Variants in PLCH1 observed in about 807,000 individuals in gnomAD.
PLCH1 encodes the protein 1-phosphatidylinositol 4,5-bisphosphate phosphodiesterase eta-1.
PLCH1 carries 60 observed loss-of-function variants against 126.7 expected under a neutral mutation model. The observed-to-expected ratio is 0.47, with a 90% CI of 0.38 to 0.59. The LOEUF is 0.59. Among genes scored for constraint, PLCH1 ranks in the 20% least tolerant of loss-of-function variants. PLCH1 has a pLI of 0.00. For missense variants in PLCH1, 1,723 were observed against 2,040.0 expected (o/e 0.84, Z 2.99); for synonymous variants, 719 against 734.9 (o/e 0.98, Z 0.35).
chr3:155,491,399 G>T (rs1386650255), intron 18 of PLCH1, among the ~76,000 whole-genome samples: 1 of 152,026 alleles, frequency 6.6e-6, no homozygotes, highest in African/African-American at 2.4e-5. Context: ...GAGTAGCTGG[G>T]ACTATAGGAT....
intron 8 of PLCH1, among the ~76,000 whole-genome samples, chr3:155,564,550 C>T (rs972542953): frequency 9.3e-5 from 14 of 151,304 alleles, no homozygotes; most frequent in Admixed American, 4.0e-4. Context: ...GGTGACAGAG[C>T]GAGACTCCAT....
At chr3:155,580,090 C>A (rs1730466527) in intron 6 of PLCH1, among the ~76,000 whole-genome samples, 1 of 152,274 alleles carries the variant, frequency 6.6e-6, no homozygotes, top group African/African-American at 2.4e-5. Context: ...ATCAAACCAA[C>A]ATTAACTTAT....
rs1714097003 is a variant in PLCH1, at chr3:155,481,770, A to G, written c.4256T>C (p.Val1419Ala). The change falls in exon 23 of 23, where the codon GTC becomes GCC. Residue 1419 changes from valine (V) to alanine (A), a missense_variant. Val to Ala is a moderately conservative substitution (Grantham distance 64). This residue lies in a region of PLCH1 where 947 missense variants were observed against 977.1 expected (regional missense o/e 0.97). Coordinates refer to ENST00000460012, the MANE Select transcript of PLCH1 (RefSeq NM_014996.4). This position sits in a 1 kb window ranked among gnomAD's most constrained non-coding sequence, Gnocchi z 4.2. ...TAGATAAGAAATACTTTGAGTTTTG[A>G]CATCTTGAATATTGTTGAATATTTC... is the stretch of plus-strand genomic sequence containing the variant. The part of the protein sequence containing the change: ...VPEIFNNIQD[V>A]KTQSISYLAY... 2 of 1,614,086 alleles carry G rather than the reference A, an allele frequency of 1.2e-6. No individual in the cohort carries two copies. The highest frequency in any genetic ancestry group is 1.3e-5 in the African/African-American group (1 of 74,932).
Position 155,655,293 on chromosome 3 carries a change from G to A in PLCH1, c.79+48853C>T, listed in dbSNP as rs934048943. Among the ~76,000 whole-genome samples the A allele has an allele frequency of 6.6e-5, 10 of 151,994 alleles. No individual in the cohort carries two copies. The East Asian group carries it at 9.6e-4, about 15-fold the overall frequency. ...TCTACCAAAAATTTAAAAATTAGCC[G>A]AGCATGGTGGCACATGCCTGTAGTC... On this transcript the variant is annotated intron_variant, in intron 2 of 22. Coordinates refer to ENST00000460012, the MANE Select transcript of PLCH1 (RefSeq NM_014996.4).
intron 1 of PLCH1, among the ~76,000 whole-genome samples, chr3:155,707,853 T>C (rs1165760654): frequency 6.6e-6 from 1 of 152,102 alleles, no homozygotes; most frequent in Non-Finnish European, 1.5e-5. Context: ...GACATATATG[T>C]AATATTCACA....
chr3:155,667,821 T>A (rs1050859250), intron 2 of PLCH1, among the ~76,000 whole-genome samples: 2 of 150,044 alleles, frequency 1.3e-5, no homozygotes, highest in Admixed American at 1.3e-4. Context: ...TCCCAGCACT[T>A]TGGGAGGCTG....
At chr3:155,612,290 T>C (rs554779076) in intron 2 of PLCH1, among the ~76,000 whole-genome samples, 116 of 150,690 alleles carry the variant, frequency 7.7e-4, no homozygotes, top group Non-Finnish European at 1.5e-3. Context: ...GATCGTGCCA[T>C]TGCATTCCAG....
chr3:155,590,354 G>T (rs923460976), intron 4 of PLCH1, among the ~76,000 whole-genome samples: 2 of 152,142 alleles, frequency 1.3e-5, no homozygotes, highest in Non-Finnish European at 1.5e-5. Context: ...CGAGGTGGGA[G>T]GATCACGAGG....
intron 21 of PLCH1, among the ~76,000 whole-genome samples, chr3:155,468,248 C>A (rs184742345): frequency 6.6e-6 from 1 of 151,670 alleles, no homozygotes; most frequent in African/African-American, 2.4e-5. Context: ...AAAAGACATA[C>A]GAAGAATACA....
intron 2 of PLCH1, among the ~76,000 whole-genome samples, chr3:155,636,473 C>T (rs372026737): frequency 1.5e-4 from 23 of 152,184 alleles, no homozygotes; most frequent in East Asian, 7.7e-4. Context: ...GTAGGCCAGG[C>T]GCGGTGGCTC....
intron 21 of PLCH1, chr3:155,486,215 G>A: frequency 6.5e-7 from 1 of 1,531,560 alleles, no homozygotes; most frequent in Non-Finnish European, 8.8e-7. Flanking sequence ...CACTGTAAAG[G>A]AAAAAAACAA....
chr3:155,685,615 A>G (rs1744875376), intron 2 of PLCH1, among the ~76,000 whole-genome samples: 1 of 152,236 alleles, frequency 6.6e-6, no homozygotes, highest in South Asian at 2.1e-4. Context: ...TGGTTCTACC[A>G]GTAACTTAAC....
chr3:155,743,567 G>C (rs1474881375), intron 1 of PLCH1: 3 of 453,626 alleles, frequency 6.6e-6, no homozygotes, highest in Middle Eastern at 3.3e-4. Context: ...TGACCAGCTT[G>C]AGAAAACTGG....
rs532707051 is a variant in PLCH1 at position 155,525,310 on chromosome 3, G to A, written c.1363-1306C>T. ...CCATATGATAGTATTAAGAGGTGAG[G>A]CATTTGGGAAGTGATTAAGTCATGA... On this transcript the variant is annotated intron_variant, in intron 10 of 22. Transcript: ENST00000460012. 6.4e-4 allele frequency among the ~76,000 whole-genome samples: 97 copies of A among 152,160 alleles called. 1 individual carries two copies. Among genetic ancestry groups the A allele is most frequent in the African/African-American group, 2.2e-3 (91 of 41,490 alleles).
intron 12 of PLCH1, among the ~76,000 whole-genome samples, chr3:155,513,597 T>C (rs544592926): frequency 6.6e-6 from 1 of 152,238 alleles, no homozygotes; most frequent in African/African-American, 2.4e-5. Context: ...GTGTTGAAAA[T>C]AAATGGCTGG....
chr3:155,744,448 C>T (rs1281724036), intron 1 of PLCH1, among the ~76,000 whole-genome samples: 1 of 152,212 alleles, frequency 6.6e-6, no homozygotes, highest in Non-Finnish European at 1.5e-5. Context: ...ACCTGCTCTC[C>T]TGGCGGCGTC....
chr3:155,676,653 G>C (rs1292860657), intron 2 of PLCH1, among the ~76,000 whole-genome samples: 1 of 152,130 alleles, frequency 6.6e-6, no homozygotes, highest in Non-Finnish European at 1.5e-5. Context: ...TGCCCTATAG[G>C]CTACTTTTGT....
intron 13 of PLCH1, among the ~76,000 whole-genome samples, chr3:155,504,240 C>T (rs1718328769): frequency 6.6e-6 from 1 of 152,044 alleles, no homozygotes; most frequent in South Asian, 2.1e-4. Context: ...ATATATAATA[C>T]ACATACCAGT....
chr3:155,625,343 C>A (rs1236436640), intron 2 of PLCH1, among the ~76,000 whole-genome samples: 1 of 152,152 alleles, frequency 6.6e-6, no homozygotes, highest in Non-Finnish European at 1.5e-5. Context: ...GCAAAGACTT[C>A]ATGACTAAAA....
Sources: gnomAD v4.1 joint callset for allele counts (sites outside exome capture counted in the v4.1 genomes callset) on GRCh38, gnomAD v4.1.1 for gene constraint, gnomAD v4.1.1 regional missense constraint, Gnocchi (gnomAD v3.1) non-coding constraint, MANE v1.5 for transcripts, NCBI Gene and HGNC (gene_info 2026-07-23, HGNC 2026-07-21) for gene names.